The following PREX2 variants were observed in gnomAD, a reference collection of about 807,000 sequenced individuals.
PREX2 encodes the protein phosphatidylinositol 3,4,5-trisphosphate-dependent Rac exchanger 2 protein.
In PREX2, 107 loss-of-function variants were observed where a neutral mutation model predicts 203.2. The observed-to-expected ratio is 0.53, with a 90% CI of 0.45 to 0.62. The LOEUF is 0.62. Among genes scored for constraint, PREX2 ranks in the 20% least tolerant of loss-of-function variants. The pLI, the probability that PREX2 is intolerant of heterozygous loss-of-function variation, is 0.00. For missense variants in PREX2, 1,777 were observed against 1,955.9 expected (o/e 0.91, Z 1.72); for synonymous variants, 672 against 663.6 (o/e 1.01, Z -0.19).
At chr8:68,163,227 T>C (rs577386908) in intron 35 of PREX2, among the ~76,000 whole-genome samples, 5 of 152,326 alleles carry the variant, frequency 3.3e-5, no homozygotes, top group Non-Finnish European at 7.4e-5. Flanking sequence ...ACTTTAGCCA[T>C]GAGTCAGATA....
chr8:68,098,274 A>T (rs549454578), intron 22 of PREX2, among the ~76,000 whole-genome samples: 1 of 152,308 alleles, frequency 6.6e-6, no homozygotes, highest in East Asian at 1.9e-4. Flanking sequence ...CTCTGTTTGA[A>T]TTGTTGTTTA....
intron 9 of PREX2, 91 bp downstream of exon 9, chr8:68,053,337 G>C: frequency 1.5e-6 from 2 of 1,333,846 alleles, no homozygotes; most frequent in South Asian, 2.7e-5. Context: ...AAATGGAAAG[G>C]TATATGATGG....
intron 31 of PREX2, among the ~76,000 whole-genome samples, chr8:68,132,496 T>C (rs1024589056): frequency 1.3e-5 from 2 of 152,050 alleles, no homozygotes; most frequent in African/African-American, 4.8e-5. Flanking sequence ...ATTTTAAATA[T>C]TTAATTATCT....
intron 14 of PREX2, among the ~76,000 whole-genome samples, chr8:68,074,496 C>T (rs532365704): frequency 7.2e-5 from 11 of 152,156 alleles, no homozygotes; most frequent in South Asian, 2.1e-4. Flanking sequence ...TTTCTATCAC[C>T]GAAACTTTAT....
Position 68,120,216 on chromosome 8 carries a change from C to T in PREX2, c.3525C>T (p.Leu1175=). 1.2e-6 allele frequency: 2 copies of T among 1,613,018 alleles called. No individual in the cohort carries two copies. The highest frequency in any genetic ancestry group is 1.7e-6 in the Non-Finnish European group (2 of 1,179,060). Residue 1175 remains leucine, a synonymous_variant, in exon 29 of 40, where the codon CTC becomes CTT. Coordinates refer to ENST00000288368, the MANE Select transcript of PREX2 (RefSeq NM_024870.4). ...GATAGGTGGATTCAATTACCAATCT[C>T]CTAAAAGGGCAGGCTGTTGTGAGGG... is the stretch of plus-strand genomic sequence containing the variant. ...LFSQVDSITN[L]LKGQAVVRAF... is the part of the protein sequence containing the mutation.
chr8:68,168,188 A>T (rs1185907276), intron 35 of PREX2, among the ~76,000 whole-genome samples: 3 of 152,176 alleles, frequency 2.0e-5, no homozygotes, highest in Admixed American at 2.0e-4. Context: ...TTATCTTGGT[A>T]TCACCCATTG....
rs141683759 is a variant in PREX2 at position 68,092,040 on chromosome 8, AC to A, written c.2250+1328del. 8.4e-3 allele frequency among the ~76,000 whole-genome samples: 1,283 copies of A among 152,098 alleles called. 26 individuals are homozygous for A. The highest frequency in any genetic ancestry group is 0.029 in the African/African-American group (1,216 of 41,470). On this transcript the variant is annotated intron_variant, in intron 20 of 39. Transcript: ENST00000288368. The stretch of plus-strand genomic sequence containing the variant: ...ACTGACGTGGCTGCATTCTGCTGGG[AC>A]CCGACTTTTGCTTCCCCTGTTCGTG...
In PREX2 at chr8:68,235,332, G is replaced by A. The variant is rs540837032; in HGVS notation, c.*3954G>A. The A allele has an allele frequency of 6.6e-6, 1 of 152,088 alleles. No individual in the cohort carries two copies. Among genetic ancestry groups the A allele is most frequent in the Admixed American group, 6.5e-5 (1 of 15,268 alleles). The allele number at this position is 152,088 out of a possible 1,614,324, so 9.4% of individuals were successfully genotyped here. On this transcript the variant is annotated 3_prime_UTR_variant, in exon 40 of 40. Transcript: ENST00000288368. ...GTATTGAAACTAACCTTTAATATTT[G>A]ACTAAATTGCTTGTGAATTTTTGGA...
chr8:68,019,910 G>T (rs1252186094), intron 3 of PREX2, among the ~76,000 whole-genome samples: 5 of 152,082 alleles, frequency 3.3e-5, no homozygotes, highest in Non-Finnish European at 7.4e-5. Context: ...TTAGTTCTTC[G>T]CATCCTCTGT....
At chr8:68,079,380 A>G (rs1435436577) in intron 15 of PREX2, among the ~76,000 whole-genome samples, 1 of 152,230 alleles carries the variant, frequency 6.6e-6, no homozygotes, top group Non-Finnish European at 1.5e-5. Context: ...ACTGCTTACT[A>G]TATGCCAAGT....
At chr8:68,041,124 G>A (rs776951311) in intron 7 of PREX2, among the ~76,000 whole-genome samples, 3 of 152,050 alleles carry the variant, frequency 2.0e-5, no homozygotes, top group Non-Finnish European at 4.4e-5. Flanking sequence ...TTAGTGAAAT[G>A]GTACCAATGG....
intron 35 of PREX2, among the ~76,000 whole-genome samples, chr8:68,191,452 T>C (rs1455765706): frequency 6.6e-6 from 1 of 152,204 alleles, no homozygotes; most frequent in East Asian, 1.9e-4. Flanking sequence ...AAGTAGAAGC[T>C]AATGCTTTCC....
chr8:68,153,722 A>C (rs1023361762), intron 34 of PREX2, among the ~76,000 whole-genome samples: 1 of 152,134 alleles, frequency 6.6e-6, no homozygotes, highest in Non-Finnish European at 1.5e-5. Context: ...CTGTCATACA[A>C]ATTTTAGTTT....
intron 39 of PREX2, 30 bp from the exon 40 acceptor site, chr8:68,231,303 C>G (rs771131444): frequency 3.2e-6 from 5 of 1,544,668 alleles, no homozygotes; most frequent in Non-Finnish European, 4.4e-6. Context: ...TACACTAAGT[C>G]ACTGTCAAAC....
At chr8:67,962,750 G>A (rs1338550494) in intron 1 of PREX2, among the ~76,000 whole-genome samples, 1 of 151,690 alleles carries the variant, frequency 6.6e-6, no homozygotes, top group Non-Finnish European at 1.5e-5. Context: ...GGGATTACAG[G>A]CACCTGCCAC....
intron 11 of PREX2, among the ~76,000 whole-genome samples, chr8:68,063,524 G>T (rs1808925114): frequency 6.6e-6 from 1 of 152,166 alleles, no homozygotes; most frequent in African/African-American, 2.4e-5. Flanking sequence ...CTCTGCCACG[G>T]ATTGGATTTT....
At chr8:68,178,059 T>C (rs1450181495) in intron 35 of PREX2, among the ~76,000 whole-genome samples, 1 of 152,220 alleles carries the variant, frequency 6.6e-6, no homozygotes, top group Non-Finnish European at 1.5e-5. Context: ...TTTGAGTTGA[T>C]TCCATGTCTT....
intron 30 of PREX2, among the ~76,000 whole-genome samples, chr8:68,122,499 A>G (rs1810795809): frequency 6.6e-6 from 1 of 152,094 alleles, no homozygotes; most frequent in Non-Finnish European, 1.5e-5. Context: ...TTAAGTATAT[A>G]CTTTACTGAG....
At chr8:68,071,815 G>A (rs528841712) in intron 13 of PREX2, among the ~76,000 whole-genome samples, 243 of 152,212 alleles carry the variant, frequency 1.6e-3, no homozygotes, top group African/African-American at 5.6e-3. Flanking sequence ...AGACCTGCTT[G>A]TTTTCCACTA....
Sources: gnomAD v4.1 joint callset for allele counts (sites outside exome capture counted in the v4.1 genomes callset) on GRCh38, gnomAD v4.1.1 for gene constraint, MANE v1.5 for transcripts, NCBI Gene and HGNC (gene_info 2026-07-23, HGNC 2026-07-21) for gene names.